The following APOM variants were observed in gnomAD, a reference collection of about 807,000 sequenced individuals.
The protein encoded by APOM is NG20-like protein.
APOM carries 24 observed loss-of-function variants against 23.5 expected under a neutral mutation model. The observed-to-expected ratio is 1.02, with a 90% CI of 0.74 to 1.44. The LOEUF is 1.44. APOM is among the 40% of genes most tolerant of loss of function. APOM has a pLI of 0.00. For synonymous variants in APOM, 82 were observed against 84.1 expected (o/e 0.97, Z 0.14); for missense variants, 200 against 233.2 (o/e 0.86, Z 0.93).
At position 31,658,053 on chromosome 6, in the gene APOM, C is replaced by T. The variant is rs1800332862; in HGVS notation, c.542-11C>T. 2 of 1,614,110 alleles carry T rather than the reference C, an allele frequency of 1.2e-6. No individual in the cohort carries two copies. Among genetic ancestry groups the T allele is most frequent in the Non-Finnish European group, 1.7e-6 (2 of 1,179,988 alleles). On this transcript the variant is annotated splice_polypyrimidine_tract_variant and intron_variant, in intron 5 of 5. Coordinates refer to ENST00000375916, the MANE Select transcript of APOM (RefSeq NM_019101.3). ...CCCTTCTGTCCTTCTTTTTCCCTCC[C>T]CCCATCACAGAGGCCTGTGAGCTGT...
At chr6:31,654,544 G>C (rs1583527843), upstream of APOM, among the ~76,000 whole-genome samples, 1 of 152,288 alleles carries the variant, frequency 6.6e-6, no homozygotes. Flanking sequence ...AGCTAGGCGT[G>C]ATGGCGTGCA....
Position 31,656,052 on chromosome 6 carries a change from T to C in APOM, c.86T>C (p.Leu29Pro). The change falls in exon 1 of 6, where the codon CTG (leucine) becomes CCG (proline). Residue 29 changes from leucine (L) to proline (P), a missense_variant. Leu to Pro is a moderately conservative substitution (Grantham distance 98). Transcript: ENST00000375916. ...TACCAGTGCCCTGAGCACAGTCAAC[T>C]GACAACTCTGGGCGTGGATGGGAAG... is the stretch of plus-strand genomic sequence containing the variant. ...SIYQCPEHSQLTTLGVDGKEF... is the reference protein window; with the variant it reads ...SIYQCPEHSQPTTLGVDGKEF... 6.3e-7 allele frequency: 1 copy of C among 1,580,300 alleles called. No homozygotes were observed. The highest frequency in any genetic ancestry group is 8.6e-7 in the Non-Finnish European group (1 of 1,162,506).
chr6:31,654,727 A>T (rs1205161305), upstream of APOM, among the ~76,000 whole-genome samples: 1 of 152,166 alleles, frequency 6.6e-6, no homozygotes, highest in Non-Finnish European at 1.5e-5. Context: ...AGGACAACCT[A>T]TTTGGCAATT....
rs1800266756 is a variant in APOM, at chr6:31,657,637, A to G, written c.455A>G (p.His152Arg). 6.2e-7 allele frequency: 1 copy of G among 1,612,784 alleles called. No individual in the cohort carries two copies. Among genetic ancestry groups the G allele is most frequent in the African/African-American group, 1.3e-5 (1 of 74,858 alleles). The change falls in exon 5 of 6, where the codon CAT (histidine) becomes CGT (arginine). Residue 152 changes from histidine to arginine, a missense_variant. Coordinates refer to ENST00000375916, the MANE Select transcript of APOM (RefSeq NM_019101.3). ...QRFLLYNRSP[H>R]PPEKCVEEFK... ...CTTGCCCTTCCAGATCGCTCACCAC[A>G]TCCTCCCGAAAAGTGTGTGGAGGAA...
rs367591738 is a variant in APOM, at chr6:31,657,587, G to C, written c.443-38G>C. 3.6e-5 allele frequency: 57 copies of C among 1,603,274 alleles called. No homozygotes were observed. The East Asian group carries it at 9.1e-4, about 26-fold the overall frequency. On this transcript the variant is annotated intron_variant, in intron 4 of 5. Transcript: ENST00000375916. ...TCCCAGGAAGAGCTAGGTGCTTCCA[G>C]GGGTTTTGACTGGCCTGACCCCACC... is the stretch of plus-strand genomic sequence containing the variant.
chr6:31,656,753 G>A, intron 2 of APOM, 127 bp downstream of exon 2: 3 of 1,188,250 alleles, frequency 2.5e-6, no homozygotes, highest in Non-Finnish European at 3.5e-6. Flanking sequence ...TTCAGTGGCT[G>A]TATTAATTGC....
upstream of APOM, among the ~76,000 whole-genome samples, chr6:31,653,085 G>A (rs1477667684): frequency 2.0e-5 from 3 of 152,154 alleles, no homozygotes; most frequent in African/African-American, 7.2e-5. Flanking sequence ...CCGGGTGGGC[G>A]TTTTAAGGGC....
At chr6:31,653,676 G>C (rs560058380), upstream of APOM, among the ~76,000 whole-genome samples, 1 of 152,242 alleles carries the variant, frequency 6.6e-6, no homozygotes, top group African/African-American at 2.4e-5. Flanking sequence ...ATAAAAAGCT[G>C]TTAACATTTT....
In APOM at chr6:31,656,532, G is replaced by A. The variant is rs1466306275; in HGVS notation, c.175G>A (p.Glu59Lys). 1.2e-6 allele frequency: 2 copies of A among 1,614,152 alleles called. No individual in the cohort carries two copies. The highest frequency in any genetic ancestry group is 1.7e-6 in the Non-Finnish European group (2 of 1,180,024). Reference protein sequence around the residue: ...FIAGAAPTKEELATFDPVDNI... With the variant: ...FIAGAAPTKEKLATFDPVDNI... ...CGCAGGGGCAGCTCCCACCAAGGAG[G>A]AGTTGGCAACTTTTGACCCTGTGGA... The change falls in exon 2 of 6, where the codon GAG becomes AAG. Residue 59 changes from glutamate (E) to lysine (K), a missense_variant. Transcript: ENST00000375916.
rs707922 is a variant in APOM, at chr6:31,657,730, G to T, written c.541+7G>T. 118,710 of 1,606,622 alleles carry T rather than the reference G, an allele frequency of 0.074. 8,216 individuals are homozygous for T. The highest frequency in any genetic ancestry group is 0.32 in the African/African-American group (23,985 of 74,684). ...TTGACTCCTAGGAATCAAGGTAAGGGGTTAAAATCTCATAAAACAGGATTA... is the reference window on the plus strand; with the variant it reads ...TTGACTCCTAGGAATCAAGGTAAGGTGTTAAAATCTCATAAAACAGGATTA... On this transcript the variant is annotated splice_region_variant and intron_variant, in intron 5 of 5. Coordinates refer to ENST00000375916, the MANE Select transcript of APOM (RefSeq NM_019101.3).
rs773567065 is a variant in APOM, at chr6:31,657,600, G to T, written c.443-25G>T. ...TAGGTGCTTCCAGGGGTTTTGACTG[G>T]CCTGACCCCACCTTGCCCTTCCAGA... On this transcript the variant is annotated intron_variant, in intron 4 of 5. Coordinates refer to ENST00000375916, the MANE Select transcript of APOM (RefSeq NM_019101.3). 3 of 1,608,064 alleles carry T rather than the reference G, an allele frequency of 1.9e-6. No homozygotes were observed. The South Asian group carries it at 3.3e-5, about 18-fold the overall frequency.
upstream of APOM, among the ~76,000 whole-genome samples, chr6:31,654,724 C>T (rs1482735230): frequency 6.6e-6 from 1 of 152,192 alleles, no homozygotes; most frequent in East Asian, 1.9e-4. Flanking sequence ...CCAAGGACAA[C>T]CTATTTGGCA....
chr6:31,656,999 A>G (rs991568945), intron 2 of APOM, among the ~76,000 whole-genome samples: 1 of 152,132 alleles, frequency 6.6e-6, no homozygotes, highest in African/African-American at 2.4e-5. Flanking sequence ...ATAAAAAACT[A>G]GCTGGGCATG....
intron 1 of APOM, 51 bp downstream of exon 1, chr6:31,656,131 G>A (rs1019396199): frequency 7.0e-5 from 99 of 1,423,840 alleles, no homozygotes; most frequent in Non-Finnish European, 9.4e-5. Flanking sequence ...GAGGGACTTG[G>A]GTGGATGGCC....
Position 31,657,473 on chromosome 6 carries a change from T to C in APOM, c.437T>C (p.Leu146Pro), listed in dbSNP as rs764134361. The C allele has an allele frequency of 1.2e-6, 2 of 1,612,692 alleles. No individual in the cohort carries two copies. Among genetic ancestry groups the C allele is most frequent in the East Asian group, 2.2e-5 (1 of 44,880 alleles). The change falls in exon 4 of 6, where the codon CTC becomes CCC. Residue 146 changes from leucine (L) to proline (P), a missense_variant. Leu to Pro is a moderately conservative substitution (Grantham distance 98, BLOSUM62 -3). Coordinates refer to ENST00000375916, the MANE Select transcript of APOM (RefSeq NM_019101.3). ...GGCCAGGGTTACCAGCGCTTTCTCC[T>C]CTACAGTGAGTAGGGATACAAGGCA... ...ETGQGYQRFL[L>P]YNRSPHPPEK...
chr6:31,655,687 C>T, upstream of APOM: 1 of 366,380 alleles, frequency 2.7e-6, no homozygotes, highest in Non-Finnish European at 5.0e-6. Flanking sequence ...GTTCAAAGAC[C>T]ACAGGCTTCT....
intron 1 of APOM, 114 bp downstream of exon 1, chr6:31,656,194 G>T: frequency 1.1e-6 from 1 of 881,368 alleles, no homozygotes; most frequent in Non-Finnish European, 1.8e-6. Flanking sequence ...GGGTGTGAGT[G>T]TTGTGATAAT....
chr6:31,653,181 G>T (rs1799073197), upstream of APOM, among the ~76,000 whole-genome samples: 1 of 152,194 alleles, frequency 6.6e-6, no homozygotes, highest in Non-Finnish European at 1.5e-5. Context: ...TGCACGACTT[G>T]TCAAGAAAAG....
Position 31,655,938 on chromosome 6 carries a change from A to G in APOM, c.-29A>G. ...GTAGGGGAGAGAGCAGTTAAGGCAC[A>G]CAGAGCACCAGCTCCCTCCTGCCTG... is the stretch of plus-strand genomic sequence containing the variant. On this transcript the variant is annotated 5_prime_UTR_variant, in exon 1 of 6. Coordinates refer to ENST00000375916, the MANE Select transcript of APOM (RefSeq NM_019101.3). The G allele has an allele frequency of 6.7e-7, 1 of 1,490,070 alleles. No homozygotes were observed. Among genetic ancestry groups the G allele is most frequent in the East Asian group, 2.4e-5 (1 of 42,428 alleles). 92.3% of individuals were successfully genotyped at this position (1,490,070 alleles called of 1,614,324 possible). A position where few individuals can be genotyped will look rare whatever the true frequency, so the allele number is the denominator to read the frequency against.
Sources: allele counts gnomAD v4.1 joint callset (sites outside exome capture counted in the v4.1 genomes callset), GRCh38; gene constraint gnomAD v4.1.1; transcripts MANE v1.5; gene names NCBI Gene and HGNC (gene_info 2026-07-23, HGNC 2026-07-21).